The following CLOCK variants were observed in gnomAD, a reference collection of about 807,000 sequenced individuals.
CLOCK encodes the protein circadian locomoter output cycles protein kaput.
A neutral mutation model predicts 118.4 loss-of-function variants in CLOCK; 43 were observed. The observed-to-expected ratio is 0.36, with a 90% confidence interval of 0.28 to 0.47. The LOEUF (loss-of-function observed/expected upper bound fraction) is 0.47, where lower values mean the gene tolerates loss of function less well. CLOCK is among the 20% of genes least tolerant of loss of function. The pLI is 1.00. For synonymous variants in CLOCK, 326 were observed against 339.2 expected (o/e 0.96, Z 0.43); for missense variants, 846 against 999.9 (o/e 0.85, Z 2.08).
chr4:55,481,744 G>A (rs564017089), intron 4 of CLOCK, among the ~76,000 whole-genome samples: 1 of 152,112 alleles, frequency 6.6e-6, no homozygotes, highest in Admixed American at 6.6e-5. Flanking sequence ...TGCAATAAAC[G>A]CATTAACAAC....
At chr4:55,517,986 T>TC (rs1729623100) in intron 1 of CLOCK, among the ~76,000 whole-genome samples, 1 of 152,284 alleles carries the variant, frequency 6.6e-6, no homozygotes, top group African/African-American at 2.4e-5. Flanking sequence ...GGGAGTCGGA[T>TC]CGCAGGACAC....
intron 1 of CLOCK, among the ~76,000 whole-genome samples, chr4:55,521,898 A>T (rs1729868183): frequency 6.6e-6 from 1 of 152,238 alleles, no homozygotes; most frequent in South Asian, 2.1e-4. Context: ...CAATAATTTG[A>T]AGAAGAAAAT....
rs770346429 is a variant in CLOCK at position 55,482,818 on chromosome 4, T to C, written c.-33A>G. The C allele has an allele frequency of 3.3e-6, 5 of 1,529,324 alleles. No homozygotes were observed. Among genetic ancestry groups the C allele is most frequent in the Admixed American group, 1.7e-5 (1 of 58,406 alleles). 94.7% of individuals were successfully genotyped at this position (1,529,324 alleles called of 1,614,324 possible). On this transcript the variant is annotated 5_prime_UTR_variant, in exon 4 of 23. Coordinates refer to ENST00000513440, the MANE Select transcript of CLOCK (RefSeq NM_004898.4). ...TACGTTTTCGTCTTGTAGTAGACATTTGTACTTCTCCTTAGGTGAAAAGAA... is the reference window on the plus strand; with the variant it reads ...TACGTTTTCGTCTTGTAGTAGACATCTGTACTTCTCCTTAGGTGAAAAGAA...
intron 1 of CLOCK, among the ~76,000 whole-genome samples, chr4:55,537,618 C>G (rs926946851): frequency 1.3e-5 from 2 of 150,776 alleles, no homozygotes; most frequent in African/African-American, 4.9e-5. Flanking sequence ...GACCCAGTCT[C>G]AAAAAAATAA....
chr4:55,484,750 C>CA (rs1011255459), intron 3 of CLOCK, among the ~76,000 whole-genome samples: 1 of 151,558 alleles, frequency 6.6e-6, no homozygotes, highest in Non-Finnish European at 1.5e-5. Flanking sequence ...GACAAACTAC[C>CA]AAAAAAAGGG....
intron 15 of CLOCK, chr4:55,452,680 G>A (rs913563083): frequency 6.6e-5 from 13 of 196,480 alleles, no homozygotes; most frequent in Non-Finnish European, 1.2e-4. Context: ...GTGTCTTTAG[G>A]GAAGATTTTT....
At position 55,457,162 on chromosome 4, in the gene CLOCK, T is replaced by C. The variant is rs73151884; in HGVS notation, c.793-862A>G. On this transcript the variant is annotated intron_variant, in intron 11 of 22. Coordinates refer to ENST00000513440, the MANE Select transcript of CLOCK (RefSeq NM_004898.4). ...AATTACAGTTCCATATTTCCAAATA[T>C]CTGAATGTCCTCATACATCTCAAAT... Among the ~76,000 whole-genome samples, 557 of 152,296 alleles carry C rather than the reference T, an allele frequency of 3.7e-3. 4 individuals are homozygous for C. The highest frequency in any genetic ancestry group is 0.013 in the African/African-American group (531 of 41,542).
In CLOCK at chr4:55,541,995, T is replaced by C. The variant is rs117903376; in HGVS notation, c.-290+4787A>G. Among the ~76,000 whole-genome samples, 68 of 151,390 alleles carry C rather than the reference T, an allele frequency of 4.5e-4. No homozygotes were observed. In the East Asian group the frequency reaches 0.012, roughly 27 times the overall value. ...AGAAATAGGCTCATCCTTACAAATG[T>C]TGTATGTAATTTTCTTATAAAATCT... is the stretch of plus-strand genomic sequence containing the variant. On this transcript the variant is annotated intron_variant, in intron 1 of 22. Coordinates refer to ENST00000513440, the MANE Select transcript of CLOCK (RefSeq NM_004898.4).
At chr4:55,453,153 ATT>A in intron 14 of CLOCK, 24 bp from the exon 15 acceptor site, 1 of 1,582,108 alleles carries the variant, frequency 6.3e-7, no homozygotes, top group South Asian at 1.1e-5. Flanking sequence ...AAATAATCAA[ATT>A]TTAGTGTCTG....
chr4:55,479,050 G>C, intron 5 of CLOCK, 87 bp from the exon 6 acceptor site: 1 of 1,076,058 alleles, frequency 9.3e-7, no homozygotes, highest in Non-Finnish European at 1.4e-6. Context: ...ACATGACACA[G>C]CATGTACTTC....
At position 55,432,963 on chromosome 4, in the gene CLOCK, T is replaced by G. The variant is rs1359512523; in HGVS notation, c.*2452A>C. 1.3e-5 allele frequency: 2 copies of G among 152,744 alleles called. No homozygotes were observed. Among genetic ancestry groups the G allele is most frequent in the East Asian group, 3.9e-4 (2 of 5,184 alleles). The allele number at this position is 152,744 out of a possible 1,614,324, so 9.5% of individuals were successfully genotyped here. On this transcript the variant is annotated 3_prime_UTR_variant, in exon 23 of 23. Coordinates refer to ENST00000513440, the MANE Select transcript of CLOCK (RefSeq NM_004898.4). Reference sequence around the variant, plus strand: ...TATGCTTTGTTGCTGTCAACCTAAGTAGTACTCACAGTTCACCATCTTTTA... The same window carrying G: ...TATGCTTTGTTGCTGTCAACCTAAGGAGTACTCACAGTTCACCATCTTTTA...
At chr4:55,526,021 A>T (rs1389395403) in intron 1 of CLOCK, among the ~76,000 whole-genome samples, 1 of 152,194 alleles carries the variant, frequency 6.6e-6, no homozygotes, top group African/African-American at 2.4e-5. Context: ...ATGACATGAC[A>T]CTCAAAGGAG....
At chr4:55,501,473 G>A (rs1405885195) in intron 2 of CLOCK, 2 of 141,770 alleles carry the variant, frequency 1.4e-5, no homozygotes, top group Non-Finnish European at 3.3e-5. Context: ...GCTAGAGTGT[G>A]GTGGCCTAAT....
chr4:55,438,139 GC>G, intron 22 of CLOCK, 142 bp downstream of exon 22: 5 of 1,134,238 alleles, frequency 4.4e-6, no homozygotes, highest in Non-Finnish European at 6.2e-6. Context: ...ACCAGAACAA[GC>G]TTTCTATCTT....
At chr4:55,535,391 T>C (rs1320696651) in intron 1 of CLOCK, among the ~76,000 whole-genome samples, 7 of 152,056 alleles carry the variant, frequency 4.6e-5, no homozygotes, top group Non-Finnish European at 7.4e-5. Flanking sequence ...CTCATAAATA[T>C]TGAGTATTCT....
intron 1 of CLOCK, among the ~76,000 whole-genome samples, chr4:55,510,695 G>C (rs372522297): frequency 6.7e-6 from 1 of 149,180 alleles, no homozygotes; most frequent in African/African-American, 2.5e-5. Flanking sequence ...GAATGTGTAT[G>C]ATCTAGCCAA....
chr4:55,451,449 C>A (rs936901226), intron 15 of CLOCK, among the ~76,000 whole-genome samples: 1 of 152,124 alleles, frequency 6.6e-6, no homozygotes, highest in African/African-American at 2.4e-5. Context: ...TGGAGTGCTC[C>A]AAGACACACC....
rs1401464381 is a variant in CLOCK, at chr4:55,508,686, G to A, written c.-136+1226C>T. On this transcript the variant is annotated intron_variant, in intron 2 of 22. Transcript: ENST00000513440. ...CGGCTCACTGCAAGCGCCGACTCCC[G>A]GGTTCACGCCATTCTTCTGCCTCAG... 6.6e-5 allele frequency among the ~76,000 whole-genome samples: 10 copies of A among 151,506 alleles called. No individual in the cohort carries two copies. The East Asian group carries it at 1.2e-3, about 18-fold the overall frequency.
intron 3 of CLOCK, among the ~76,000 whole-genome samples, chr4:55,486,023 C>T (rs1031459190): frequency 2.0e-5 from 3 of 152,166 alleles, no homozygotes; most frequent in Admixed American, 6.5e-5. Flanking sequence ...GACTTCCCAG[C>T]TCAACATGTA....
Sources: gnomAD v4.1 joint callset for allele counts (sites outside exome capture counted in the v4.1 genomes callset) on GRCh38, gnomAD v4.1.1 for gene constraint, MANE v1.5 for transcripts, NCBI Gene and HGNC (gene_info 2026-07-23, HGNC 2026-07-21) for gene names.